SORCS2: variants seen among roughly 807,000 people sequenced by gnomAD.
The protein encoded by SORCS2 is sortilin related VPS10 domain containing receptor 2.
SORCS2 carries 100 observed loss-of-function variants against 141.6 expected under a neutral mutation model. The ratio of observed to expected loss-of-function variants is 0.71; its 90% CI spans 0.60 to 0.83. The LOEUF (loss-of-function observed/expected upper bound fraction) is 0.83. SORCS2 is among the 40% of genes least tolerant of loss of function. SORCS2 has a pLI of 0.00. For synonymous variants in SORCS2, 789 were observed against 676.9 expected (o/e 1.17, Z -2.57); for missense variants, 1,646 against 1,560.2 (o/e 1.05, Z -0.93).
intron 1 of SORCS2, among the ~76,000 whole-genome samples, chr4:7,355,242 T>C (rs1721176766): frequency 6.6e-6 from 1 of 152,046 alleles, no homozygotes; most frequent in South Asian, 2.1e-4. Context: ...CTTCTCCTTC[T>C]CTGTCTGATT....
chr4:7,527,689 C>T (rs984041827), intron 2 of SORCS2, among the ~76,000 whole-genome samples: 4 of 151,584 alleles, frequency 2.6e-5, no homozygotes, highest in East Asian at 1.9e-4. Context: ...TCTCACAGGC[C>T]CCCCCACCAG....
At chr4:7,566,063 G>A (rs1714981931) in intron 3 of SORCS2, among the ~76,000 whole-genome samples, 1 of 148,962 alleles carries the variant, frequency 6.7e-6, no homozygotes, top group African/African-American at 2.5e-5. Context: ...TGATGATGAT[G>A]ATGGTGATGA....
At chr4:7,688,210 TATG>T (rs1723994891) in intron 10 of SORCS2, among the ~76,000 whole-genome samples, 1 of 152,188 alleles carries the variant, frequency 6.6e-6, no homozygotes, top group Admixed American at 6.5e-5. Flanking sequence ...TAGTAGATGA[TATG>T]ATACCGCAAT....
At chr4:7,290,190 T>C (rs6823394) in intron 1 of SORCS2, among the ~76,000 whole-genome samples, 96,545 of 151,984 alleles carry the variant, frequency 0.64, 32,611 homozygotes, top group Non-Finnish European at 0.74. Context: ...CTTATGTATT[T>C]GTCAGGACAA....
intron 1 of SORCS2, among the ~76,000 whole-genome samples, chr4:7,299,017 C>T (rs62277263): frequency 0.12 from 18,944 of 152,324 alleles, 1,529 homozygotes; most frequent in Admixed American, 0.25. Flanking sequence ...GGAGGCCTCA[C>T]AAAAGGGCCG....
At chr4:7,211,224 AG>A (rs1432387808) in intron 1 of SORCS2, among the ~76,000 whole-genome samples, 4 of 496 alleles carry the variant, frequency 8.1e-3, no homozygotes, top group South Asian at 0.25. Flanking sequence ...GGAGAGCGGG[AG>A]GGAGGGAGGG....
At chr4:7,381,465 T>C (rs1457994840) in intron 1 of SORCS2, among the ~76,000 whole-genome samples, 1 of 152,194 alleles carries the variant, frequency 6.6e-6, no homozygotes, top group East Asian at 1.9e-4. Flanking sequence ...GGGCTGCCCC[T>C]GAAAGGGTCC....
At chr4:7,656,641 G>T (rs549634920) in intron 5 of SORCS2, among the ~76,000 whole-genome samples, 1 of 152,226 alleles carries the variant, frequency 6.6e-6, no homozygotes, top group Non-Finnish European at 1.5e-5. Flanking sequence ...TCTGCTGGGT[G>T]GTCTGGCCGC....
intron 9 of SORCS2, 85 bp downstream of exon 9, chr4:7,676,314 C>T: frequency 7.1e-7 from 1 of 1,402,610 alleles, no homozygotes; most frequent in Non-Finnish European, 9.7e-7. Context: ...CCCCCCTCCC[C>T]TCCCGCCTGT....
chr4:7,256,180 C>T (rs1226801786), intron 1 of SORCS2, among the ~76,000 whole-genome samples: 1 of 152,120 alleles, frequency 6.6e-6, no homozygotes, highest in Non-Finnish European at 1.5e-5. Flanking sequence ...AGCCCTGGGG[C>T]AGGGAGAGGC....
chr4:7,663,130 ATAAG>A lies in SORCS2; in HGVS notation c.953-1221_953-1218del, dbSNP rs578044477. Reference sequence around the variant, plus strand: ...AATGAGAGAATGAGTGAGTGGGTGAATAAGTGAGTGAGTAATTGAAAGAGTGAGT... The same window carrying A: ...AATGAGAGAATGAGTGAGTGGGTGAATGAGTGAGTAATTGAAAGAGTGAGT... On this transcript the variant is annotated intron_variant, in intron 6 of 26. Coordinates refer to ENST00000507866, the MANE Select transcript of SORCS2 (RefSeq NM_020777.3). The surrounding 1 kb of genome is among the most constrained non-coding windows in gnomAD (Gnocchi z 4.8). Among the ~76,000 whole-genome samples the A allele has an allele frequency of 2.5e-3, 375 of 151,352 alleles. No individual in the cohort carries two copies. Among genetic ancestry groups the A allele is most frequent in the Non-Finnish European group, 3.8e-3 (256 of 67,878 alleles).
chr4:7,547,642 C>A (rs1289602635), intron 3 of SORCS2, among the ~76,000 whole-genome samples: 1 of 152,192 alleles, frequency 6.6e-6, no homozygotes, highest in Non-Finnish European at 1.5e-5. Flanking sequence ...CAGATCCTGC[C>A]TCCTTCCACC....
At chr4:7,399,597 A>C (rs2038843100) in intron 2 of SORCS2, among the ~76,000 whole-genome samples, 1 of 152,058 alleles carries the variant, frequency 6.6e-6, no homozygotes, top group African/African-American at 2.4e-5. Context: ...GAATCGGTGC[A>C]AAAGGCTGGG....
chr4:7,626,668 A>G (rs1308258609), intron 3 of SORCS2, among the ~76,000 whole-genome samples: 1 of 152,226 alleles, frequency 6.6e-6, no homozygotes, highest in Non-Finnish European at 1.5e-5. Flanking sequence ...TTAGTCATTG[A>G]ATTACCTGAT....
intron 1 of SORCS2, among the ~76,000 whole-genome samples, chr4:7,330,946 C>T (rs1350607771): frequency 6.6e-6 from 1 of 152,118 alleles, no homozygotes; most frequent in Non-Finnish European, 1.5e-5. Context: ...GCTGCCACAG[C>T]CTGCAGGCGC....
chr4:7,384,566 G>A, intron 1 of SORCS2, among the ~76,000 whole-genome samples: 1 of 151,938 alleles, frequency 6.6e-6, no homozygotes, highest in East Asian at 1.9e-4. Context: ...TCAGTGAGGT[G>A]GCTTAAGGCA....
intron 8 of SORCS2, among the ~76,000 whole-genome samples, chr4:7,674,378 C>T (rs1341213824): frequency 1.3e-5 from 2 of 151,948 alleles, no homozygotes; most frequent in African/African-American, 4.8e-5. Context: ...TTGAGACCAT[C>T]CTGGCTAACA....
chr4:7,589,049 C>T (rs567451483), intron 3 of SORCS2, among the ~76,000 whole-genome samples: 2 of 152,264 alleles, frequency 1.3e-5, no homozygotes, highest in African/African-American at 4.8e-5. Context: ...CTACTGGGGA[C>T]ACAGTGAGCT....
intron 2 of SORCS2, 145 bp downstream of exon 2, chr4:7,396,500 G>A: frequency 1.3e-6 from 1 of 761,886 alleles, no homozygotes; most frequent in East Asian, 2.7e-5. Context: ...GCTAGAAAAT[G>A]CATAAAGGAA....
Sources: gnomAD v4.1 joint callset for allele counts (sites outside exome capture counted in the v4.1 genomes callset) on GRCh38, gnomAD v4.1.1 for gene constraint, Gnocchi (gnomAD v3.1) non-coding constraint, MANE v1.5 for transcripts, NCBI Gene and HGNC (gene_info 2026-07-23, HGNC 2026-07-21) for gene names.